CATSPERD: variants seen among roughly 807,000 people sequenced by gnomAD.
The protein encoded by CATSPERD is cation channel sperm-associated auxiliary subunit delta.
A neutral mutation model predicts 98.1 loss-of-function variants in CATSPERD; 86 were observed. That is an observed-to-expected ratio of 0.88 (90% CI 0.74 to 1.05). The LOEUF is 1.05. Among genes scored for constraint, CATSPERD ranks in the 50% least tolerant of loss-of-function variants. The pLI is 0.00. For synonymous variants in CATSPERD, 394 were observed against 390.2 expected, an observed-to-expected ratio of 1.01 and a Z score of -0.12; for missense variants, 995 against 1,005.7, an observed-to-expected ratio of 0.99 and a Z score of 0.14.
chr19:5,763,067 T>A, intron 15 of CATSPERD, 148 bp from the exon 16 acceptor site: 1 of 626,982 alleles, frequency 1.6e-6, no homozygotes, highest in Non-Finnish European at 2.9e-6. Flanking sequence ...AATGGATGGA[T>A]GGGTGGGTGG....
At chr19:5,732,327 C>T (rs1368276632) in intron 4 of CATSPERD, among the ~76,000 whole-genome samples, 2 of 152,024 alleles carry the variant, frequency 1.3e-5, no homozygotes, top group East Asian at 1.9e-4. Flanking sequence ...TATCTCAGGG[C>T]ACCCAAGACC....
intron 8 of CATSPERD, among the ~76,000 whole-genome samples, chr19:5,744,876 C>T (rs554541187): frequency 1.3e-5 from 2 of 151,920 alleles, no homozygotes; most frequent in East Asian, 1.9e-4. Flanking sequence ...CCTGGGATTA[C>T]AGGTGTAAGC....
At chr19:5,736,482 C>T (rs1403009092) in intron 5 of CATSPERD, among the ~76,000 whole-genome samples, 7 of 151,920 alleles carry the variant, frequency 4.6e-5, no homozygotes, top group African/African-American at 1.4e-4. Context: ...TTTGGGAGGC[C>T]GAGGCGGGTG....
chr19:5,726,225 C>A (rs1188396607), intron 2 of CATSPERD, among the ~76,000 whole-genome samples: 1 of 151,774 alleles, frequency 6.6e-6, no homozygotes, highest in Non-Finnish European at 1.5e-5. Context: ...CCACACCCAC[C>A]TAATTTTTGT....
At chr19:5,753,022 C>T (rs2056250389) in intron 12 of CATSPERD, among the ~76,000 whole-genome samples, 1 of 136,634 alleles carries the variant, frequency 7.3e-6, no homozygotes, top group Non-Finnish European at 1.6e-5. Context: ...AGTGAGACTC[C>T]ATGTCAAAAA....
rs189054822 is a variant in CATSPERD, at chr19:5,723,820, G to A, written c.72-988G>A. ...AGATGGAGTTTCACTCTTGTTGCCC[G>A]GGCTGGAGTGCAATGGTGCAATCTC... On this transcript the variant is annotated intron_variant, in intron 1 of 21. Transcript: ENST00000381624. Among the ~76,000 whole-genome samples the A allele has an allele frequency of 1.2e-4, 17 of 142,572 alleles. No individual in the cohort carries two copies. In the East Asian group the frequency reaches 2.9e-3, roughly 25 times the overall value. The allele number at this position is 142,572 out of a possible 152,430, so 93.5% of individuals were successfully genotyped here. A position where few individuals can be genotyped will look rare whatever the true frequency, so the allele number is the denominator to read the frequency against.
rs143384213 is a variant in CATSPERD, at chr19:5,766,819, A to T, written c.1559+664A>T. On this transcript the variant is annotated intron_variant, in intron 17 of 21. Transcript: ENST00000381624. ...GTGATTCTCCTGCCTCAGCCTCCCA[A>T]GTAGCTGAGATTACAGGCGCCCGCT... 1.5e-3 allele frequency among the ~76,000 whole-genome samples: 230 copies of T among 151,316 alleles called. 1 individual carries two copies. The highest frequency in any genetic ancestry group is 5.4e-3 in the African/African-American group (225 of 41,332).
rs35847357 is a variant in CATSPERD at position 5,772,214 on chromosome 19, A to ATTTTT, written c.1764-547_1764-543dup. On this transcript the variant is annotated intron_variant, in intron 19 of 21. Coordinates refer to ENST00000381624, the MANE Select transcript of CATSPERD (RefSeq NM_152784.4). ...AGTTGCATACCACAATGCCCGGTTAATTTTTTTTTTTTTTTTTTTTTTTTT... is the reference window on the plus strand; with the variant it reads ...AGTTGCATACCACAATGCCCGGTTAATTTTTTTTTTTTTTTTTTTTTTTTTTTTTT... 9.5e-3 allele frequency: 1,464 copies of ATTTTT among 154,426 alleles called. 115 individuals carry two copies. The highest frequency in any genetic ancestry group is 0.011 in the Non-Finnish European group (949 of 83,844). The allele number at this position is 154,426 out of a possible 1,614,324, so 9.6% of individuals were successfully genotyped here.
Position 5,746,014 on chromosome 19 carries a change from C to T in CATSPERD, c.759C>T (p.Gly253=). ...TCCTCATCGCCCCCGGCCAGAGAGG[C>T]ATCCTGCTCCTATGGTTTGAGAACA... ...LDILIAPGQR[G]ILLLWFENSL... The change falls in exon 9 of 22, where the codon GGC becomes GGT. Residue 253 remains glycine, a synonymous_variant. Coordinates refer to ENST00000381624, the MANE Select transcript of CATSPERD (RefSeq NM_152784.4). The T allele has an allele frequency of 6.2e-7, 1 of 1,614,188 alleles. No individual in the cohort carries two copies. Among genetic ancestry groups the T allele is most frequent in the East Asian group, 2.2e-5 (1 of 44,874 alleles).
intron 19 of CATSPERD, among the ~76,000 whole-genome samples, chr19:5,771,341 T>C (rs1191202525): frequency 6.6e-6 from 1 of 152,090 alleles, no homozygotes; most frequent in Non-Finnish European, 1.5e-5. Flanking sequence ...CTCTGTCCCT[T>C]GGGCTCAAGC....
chr19:5,739,238 A>C lies in CATSPERD; in HGVS notation c.460-88A>C, dbSNP rs1207485117. 5.1e-6 allele frequency: 4 copies of C among 778,262 alleles called. No individual in the cohort carries two copies. In the East Asian group the frequency reaches 1.0e-4, roughly 20 times the overall value. The allele number at this position is 778,262 out of a possible 1,614,324, so 48.2% of individuals were successfully genotyped here. On this transcript the variant is annotated intron_variant, in intron 6 of 21. Coordinates refer to ENST00000381624, the MANE Select transcript of CATSPERD (RefSeq NM_152784.4). ...CCAGACATCCAGGTTTTTTTCAGTC[A>C]TGAGTTTTCATTTCTCTGGGATAAA...
chr19:5,753,666 T>C, intron 12 of CATSPERD: 1 of 337,344 alleles, frequency 3.0e-6, no homozygotes, highest in Non-Finnish European at 6.0e-6. Context: ...GCCCAGGAAT[T>C]TGGGACCAGC....
chr19:5,777,092 TC>T (rs1360124017), intron 21 of CATSPERD, among the ~76,000 whole-genome samples: 2 of 152,126 alleles, frequency 1.3e-5, no homozygotes, highest in African/African-American at 4.8e-5. Flanking sequence ...GATCAGTGTG[TC>T]CCTTTGGAAG....
intron 5 of CATSPERD, among the ~76,000 whole-genome samples, chr19:5,735,269 C>T (rs989909065): frequency 6.6e-6 from 1 of 152,094 alleles, no homozygotes; most frequent in Non-Finnish European, 1.5e-5. Context: ...TCCTGAGTAG[C>T]TGGGGTCACA....
chr19:5,723,165 C>T (rs1429230693), intron 1 of CATSPERD, among the ~76,000 whole-genome samples: 1 of 132,836 alleles, frequency 7.5e-6, no homozygotes, highest in Non-Finnish European at 1.6e-5. Context: ...CCAGCCTGGG[C>T]GACGGAGCGA....
chr19:5,734,834 T>C (rs1287238345), intron 5 of CATSPERD, among the ~76,000 whole-genome samples: 1 of 148,128 alleles, frequency 6.8e-6, no homozygotes, highest in Non-Finnish European at 1.5e-5. Context: ...CATCAGCGGG[T>C]CTTGGTGATG....
chr19:5,770,607 C>T (rs1168161647), intron 18 of CATSPERD, among the ~76,000 whole-genome samples: 1 of 151,862 alleles, frequency 6.6e-6, no homozygotes, highest in Admixed American at 6.6e-5. Context: ...ACAGCAAGAC[C>T]TCATCTCTAC....
chr19:5,741,041 C>T (rs1372198663), intron 7 of CATSPERD, among the ~76,000 whole-genome samples: 4 of 122,080 alleles, frequency 3.3e-5, no homozygotes, highest in South Asian at 5.2e-4. Context: ...GCTGAGACAA[C>T]GCCATTGCAC....
At chr19:5,760,106 G>T (rs1198285036) in intron 15 of CATSPERD, among the ~76,000 whole-genome samples, 3 of 150,276 alleles carry the variant, frequency 2.0e-5, no homozygotes, top group Non-Finnish European at 4.4e-5. Context: ...AAGGCCGGGG[G>T]CTGTGGCCCA....
Sources: gnomAD v4.1 joint callset for allele counts (sites outside exome capture counted in the v4.1 genomes callset) on GRCh38, gnomAD v4.1.1 for gene constraint, MANE v1.5 for transcripts, NCBI Gene and HGNC (gene_info 2026-07-23, HGNC 2026-07-21) for gene names.